NME9: variants seen among roughly 807,000 people sequenced by gnomAD.
NME9 encodes the protein thioredoxin domain-containing protein 6.
Under a neutral mutation model 44.4 loss-of-function variants are expected in NME9, and 48 were observed. The ratio of observed to expected loss-of-function variants is 1.08; its 90% confidence interval spans 0.86 to 1.37. NME9 has a LOEUF of 1.37. Ranked by LOEUF, NME9 falls within the 40% of genes most tolerant of loss-of-function variation. The pLI, the probability that NME9 is intolerant of heterozygous loss-of-function variation, is 0.00. For missense variants in NME9, 325 were observed against 405.2 expected (o/e 0.80, Z 1.70); for synonymous variants, 139 against 147.1 (o/e 0.94, Z 0.40).
chr3:138,315,959 A>G (rs2108450405), intron 4 of NME9, among the ~76,000 whole-genome samples: 1 of 152,198 alleles, frequency 6.6e-6, no homozygotes, highest in South Asian at 2.1e-4. Flanking sequence ...AGTCTCCTGA[A>G]TAGCTGGAAC....
intron 8 of NME9, among the ~76,000 whole-genome samples, chr3:138,263,086 T>C (rs1404560486): frequency 6.6e-6 from 1 of 152,270 alleles, no homozygotes; most frequent in Non-Finnish European, 1.5e-5. Context: ...AAAAGGCTGT[T>C]TTTCAATAGG....
rs940257205 is a variant in NME9 at position 138,318,159 on chromosome 3, G to C, written c.256C>G (p.Leu86Val). 5.0e-6 allele frequency: 8 copies of C among 1,605,828 alleles called. No homozygotes were observed. The highest frequency in any genetic ancestry group is 6.8e-6 in the Non-Finnish European group (8 of 1,172,568). Residue 86 changes from leucine to valine, a missense_variant, in exon 4 of 11, where the codon CTG becomes GTG. Coordinates refer to ENST00000333911, the MANE Select transcript of NME9 (RefSeq NM_001349018.2). ...KYRGKCEPTF[L>V]FYAGGELVAV... is the part of the protein sequence containing the mutation. ...GAAAATGTACTTACTGCATAAAACAGAAAGGTTGGCTCGCACTTCCCTCTG... is the reference window on the plus strand; with the variant it reads ...GAAAATGTACTTACTGCATAAAACACAAAGGTTGGCTCGCACTTCCCTCTG...
chr3:138,310,142 A>G (rs967326229), intron 6 of NME9, among the ~76,000 whole-genome samples: 1 of 152,152 alleles, frequency 6.6e-6, no homozygotes, highest in Non-Finnish European at 1.5e-5. Flanking sequence ...AGTGGAAACC[A>G]AAAGAGAGCA....
chr3:138,318,750 G>A (rs1253456806), intron 3 of NME9, among the ~76,000 whole-genome samples: 2 of 152,172 alleles, frequency 1.3e-5, no homozygotes, highest in Non-Finnish European at 2.9e-5. Context: ...CATATCAACA[G>A]TGTCTCTTGC....
Position 138,304,900 on chromosome 3 carries a change from T to G in NME9, c.764A>C (p.Asn255Thr). The change falls in exon 9 of 11, where the codon AAT becomes ACT. Residue 255 changes from asparagine (N) to threonine (T), a missense_variant. Transcript: ENST00000333911. Reference protein sequence around the residue: ...WRTVMGPRDPNVARREQPESL... With the variant: ...WRTVMGPRDPTVARREQPESL... The stretch of plus-strand genomic sequence containing the variant: ...TTCTGGCTGCTCCCTCCTGGCCACA[T>G]TGGGGTCACGGGGGCCCATGACGGT... 2.5e-6 allele frequency: 4 copies of G among 1,614,130 alleles called. No homozygotes were observed. Among genetic ancestry groups the G allele is most frequent in the Non-Finnish European group, 3.4e-6 (4 of 1,179,998 alleles).
chr3:138,304,977 G>A lies in NME9; in HGVS notation c.687C>T (p.Leu229=), dbSNP rs2052134293. The A allele has an allele frequency of 6.2e-7, 1 of 1,614,030 alleles. No individual in the cohort carries two copies. Among genetic ancestry groups the A allele is most frequent in the African/African-American group, 1.3e-5 (1 of 74,914 alleles). ...AGCCCTCAGTCCTGGTGAGGATCAG[G>A]AGGTGGCTTGGTCCACTGCACATGT... ...VHHMCSGPSH[L]LILTRTEGFE... is the part of the protein sequence containing the mutation. The change falls in exon 9 of 11, where the codon CTC becomes CTT. Residue 229 remains leucine, a synonymous_variant. Coordinates refer to ENST00000333911, the MANE Select transcript of NME9 (RefSeq NM_001349018.2).
At chr3:138,304,106 G>A (rs1445910622) in intron 9 of NME9, among the ~76,000 whole-genome samples, 2 of 152,188 alleles carry the variant, frequency 1.3e-5, no homozygotes, top group Non-Finnish European at 2.9e-5. Flanking sequence ...ATACATGTAT[G>A]TATACACAAT....
intron 8 of NME9, chr3:138,263,872 T>A: frequency 6.5e-7 from 1 of 1,526,810 alleles, no homozygotes; most frequent in African/African-American, 1.4e-5. Context: ...ATATTTAACC[T>A]GTTTCCTTTC....
At chr3:138,273,839 C>CA (rs1374808027) in intron 8 of NME9, among the ~76,000 whole-genome samples, 1 of 149,266 alleles carries the variant, frequency 6.7e-6, no homozygotes, top group Non-Finnish European at 1.5e-5. Context: ...TTTTTTGAGA[C>CA]AGAGTCTTGC....
chr3:138,321,177 G>C (rs897345225), intron 2 of NME9, among the ~76,000 whole-genome samples: 72 of 152,330 alleles, frequency 4.7e-4, no homozygotes, highest in African/African-American at 1.5e-3. Flanking sequence ...AGGTAAGAAA[G>C]CAAATTTTCA....
chr3:138,274,589 A>C, intron 8 of NME9: 1 of 1,429,880 alleles, frequency 7.0e-7, no homozygotes, highest in Non-Finnish European at 9.8e-7. Flanking sequence ...GAATGTGAGC[A>C]CAAAGGAAGT....
At chr3:138,289,094 C>G in intron 8 of NME9, 1 of 1,613,122 alleles carries the variant, frequency 6.2e-7, no homozygotes, top group Non-Finnish European at 8.5e-7. Context: ...TTTTGTATAT[C>G]AAACCTCATA....
In NME9 at chr3:138,262,568, G is replaced by A. The variant is rs761767101; in HGVS notation, c.764C>T (p.Pro255Leu). The stretch of plus-strand genomic sequence containing the variant: ...GTCTAGGTCAGTGATCTTCAACCTT[G>A]GCTGTGTACTGGACTCACCTGAGGA... Residue 255 changes from proline (P) to leucine (L), a missense_variant, in exon 9 of 9, where the codon CCA becomes CTA. Pro to Leu is a moderately conservative substitution (Grantham distance 98, BLOSUM62 -3). Coordinates refer to the NME9 transcript ENST00000317876. 10 of 1,611,590 alleles carry A rather than the reference G, an allele frequency of 6.2e-6. No individual in the cohort carries two copies. In the East Asian group the frequency reaches 2.0e-4, roughly 32 times the overall value.
At chr3:138,297,918 A>G (rs1232063865), downstream of NME9, 1 of 152,266 alleles carries the variant, frequency 6.6e-6, no homozygotes, top group Non-Finnish European at 1.5e-5. Flanking sequence ...TTGAACCCAA[A>G]TAGCATTAGA....
At chr3:138,277,656 A>G (rs552273442) in intron 8 of NME9, among the ~76,000 whole-genome samples, 1 of 152,252 alleles carries the variant, frequency 6.6e-6, no homozygotes, top group Admixed American at 6.5e-5. Flanking sequence ...AAAACAGTAC[A>G]GTTGCTAGCA....
At chr3:138,317,887 G>A (rs1412554384) in intron 4 of NME9, among the ~76,000 whole-genome samples, 2 of 152,140 alleles carry the variant, frequency 1.3e-5, no homozygotes, top group Non-Finnish European at 2.9e-5. Context: ...CACCTCCTTG[G>A]GCACAGGGCC....
At chr3:138,289,803 T>C (rs564233428) in intron 8 of NME9, among the ~76,000 whole-genome samples, 2 of 152,242 alleles carry the variant, frequency 1.3e-5, no homozygotes, top group Non-Finnish European at 2.9e-5. Flanking sequence ...GGGGAAGTTT[T>C]TAAAGTGCAG....
At chr3:138,318,348 C>A in intron 3 of NME9, 129 bp from the exon 4 acceptor site, 3 of 692,482 alleles carry the variant, frequency 4.3e-6, no homozygotes, top group South Asian at 1.6e-5. Context: ...CCGATTTGCT[C>A]TCATGCTGTT....
rs1168728105 is a variant in NME9, at chr3:138,295,686, G to C, written c.745+7821C>G. Among the ~76,000 whole-genome samples the C allele has an allele frequency of 2.6e-5, 4 of 152,246 alleles. No homozygotes were observed. The East Asian group carries it at 7.7e-4, about 29-fold the overall frequency. ...AATATAGCCAGAGTAGATTTCAGGT[G>C]TCTACCCACTGCAGATCTCTTCCCC... On this transcript the variant is annotated intron_variant, in intron 8 of 8. Transcript: ENST00000317876.
Sources: gnomAD v4.1 joint callset for allele counts (sites outside exome capture counted in the v4.1 genomes callset) on GRCh38, gnomAD v4.1.1 for gene constraint, MANE v1.5 for transcripts, NCBI Gene and HGNC (gene_info 2026-07-23, HGNC 2026-07-21) for gene names.